Variants in FGF12 observed in about 807,000 individuals in gnomAD.
FGF12 encodes fibroblast growth factor 12.
FGF12 carries 14 observed loss-of-function variants against 23.6 expected under a neutral mutation model. The observed-to-expected ratio is 0.59, with a 90% CI of 0.39 to 0.93. The LOEUF (loss-of-function observed/expected upper bound fraction) is 0.93. Ranked by LOEUF, FGF12 falls within the 40% of genes least tolerant of loss-of-function variation. The pLI is 0.00. For missense variants in FGF12, 175 were observed against 217.8 expected (o/e 0.80, Z 1.24); for synonymous variants, 62 against 77.3 (o/e 0.80, Z 1.04).
chr3:192,450,382 A>G (rs1722484678), intron 2 of FGF12, among the ~76,000 whole-genome samples: 1 of 152,214 alleles, frequency 6.6e-6, no homozygotes, highest in Non-Finnish European at 1.5e-5. Flanking sequence ...AAAAGTGGAG[A>G]CTGACAATAT....
At chr3:192,203,647 C>T (rs1042620611) in intron 4 of FGF12, among the ~76,000 whole-genome samples, 1 of 150,252 alleles carries the variant, frequency 6.7e-6, no homozygotes, top group Non-Finnish European at 1.5e-5. Flanking sequence ...TGGCTCACTG[C>T]AGCCTTGACT....
intron 4 of FGF12, among the ~76,000 whole-genome samples, chr3:192,251,300 A>G (rs532398698): frequency 2.6e-5 from 4 of 152,298 alleles, no homozygotes; most frequent in African/African-American, 9.6e-5. Context: ...TGATTCTGAT[A>G]GAGAGTAAGT....
At chr3:192,604,105 T>A (rs1714236681) in intron 2 of FGF12, among the ~76,000 whole-genome samples, 1 of 152,162 alleles carries the variant, frequency 6.6e-6, no homozygotes, top group Admixed American at 6.6e-5. Flanking sequence ...TCATTTATAG[T>A]CTCTCTGCAA....
At chr3:192,166,097 A>G (rs1715147289) in intron 5 of FGF12, among the ~76,000 whole-genome samples, 1 of 152,208 alleles carries the variant, frequency 6.6e-6, no homozygotes, top group Non-Finnish European at 1.5e-5. Flanking sequence ...GCGAGGAGAA[A>G]GGTTTCAATG....
At position 192,372,147 on chromosome 3, in the gene FGF12, T is replaced by C. The variant is rs564355934; in HGVS notation, c.14-11609A>G. Reference sequence around the variant, plus strand: ...GAGTCTCTTTTCTCACAGACACATCTTTTGGCACCAGAAATAAATGAACAG... The same window carrying C: ...GAGTCTCTTTTCTCACAGACACATCCTTTGGCACCAGAAATAAATGAACAG... On this transcript the variant is annotated intron_variant, in intron 2 of 5. Transcript: ENST00000445105. Among the ~76,000 whole-genome samples, 4 of 152,272 alleles carry C rather than the reference T, an allele frequency of 2.6e-5. No individual in the cohort carries two copies. In the South Asian group the frequency reaches 8.3e-4, roughly 32 times the overall value.
chr3:192,438,849 G>A (rs984396894), intron 2 of FGF12, among the ~76,000 whole-genome samples: 10 of 152,112 alleles, frequency 6.6e-5, no homozygotes, highest in Admixed American at 6.5e-5. Context: ...AAAGCCCCCC[G>A]GTTTCAAAAG....
At chr3:192,608,181 T>C (rs893247194) in intron 2 of FGF12, among the ~76,000 whole-genome samples, 2 of 152,084 alleles carry the variant, frequency 1.3e-5, no homozygotes, top group African/African-American at 4.8e-5. Flanking sequence ...GTGATGACAG[T>C]TAATGGGTAC....
chr3:192,461,732 T>G (rs1306612455), intron 2 of FGF12, among the ~76,000 whole-genome samples: 2 of 152,140 alleles, frequency 1.3e-5, no homozygotes, highest in Non-Finnish European at 2.9e-5. Flanking sequence ...CTCATACCTG[T>G]AATCCCAGCA....
At chr3:192,276,103 G>T (rs1055574436) in intron 4 of FGF12, among the ~76,000 whole-genome samples, 2 of 152,182 alleles carry the variant, frequency 1.3e-5, no homozygotes, top group Admixed American at 1.3e-4. Context: ...TCAAACCTTG[G>T]AGTTAAAGAG....
intron 2 of FGF12, among the ~76,000 whole-genome samples, chr3:192,666,120 A>G (rs1352093555): frequency 6.6e-6 from 1 of 152,220 alleles, no homozygotes; most frequent in East Asian, 1.9e-4. Context: ...ATTTGATAAC[A>G]ATAGCTCTCA....
Position 192,499,516 on chromosome 3 carries a change from A to AT in FGF12, c.14-138979dup, listed in dbSNP as rs71177364. Among the ~76,000 whole-genome samples, 39 of 38,880 alleles carry AT rather than the reference A, an allele frequency of 1.0e-3. 6 individuals carry two copies. Among genetic ancestry groups the AT allele is most frequent in the South Asian group, 1.6e-3 (1 of 608 alleles). 25.5% of individuals were successfully genotyped at this position (38,880 alleles called of 152,430 possible). The stretch of plus-strand genomic sequence containing the variant: ...TCCATATATATATATATATATATAT[A>AT]TTTTTTTTTTTTTTTTTTTTTTTTT... On this transcript the variant is annotated intron_variant, in intron 2 of 5. Transcript: ENST00000445105.
intron 2 of FGF12, among the ~76,000 whole-genome samples, chr3:192,593,979 G>A (rs539837391): frequency 6.6e-6 from 1 of 152,098 alleles, no homozygotes; most frequent in South Asian, 2.1e-4. Flanking sequence ...GTCTTGCCTT[G>A]AATTGCTTAA....
intron 2 of FGF12, among the ~76,000 whole-genome samples, chr3:192,553,161 G>A (rs572763143): frequency 6.6e-6 from 1 of 152,162 alleles, no homozygotes; most frequent in South Asian, 2.1e-4. Context: ...GCACAGATAT[G>A]CAAGAAGGAA....
At chr3:192,375,605 G>A (rs9810828) in intron 2 of FGF12, among the ~76,000 whole-genome samples, 3,413 of 151,464 alleles carry the variant, frequency 0.023, 54 homozygotes, top group African/African-American at 0.042. Flanking sequence ...GATTTTTTTC[G>A]TTTATTATGA....
intron 2 of FGF12, among the ~76,000 whole-genome samples, chr3:192,583,140 G>A (rs1713230586): frequency 6.6e-6 from 1 of 152,082 alleles, no homozygotes; most frequent in African/African-American, 2.4e-5. Context: ...ATTGCTAAAT[G>A]ATATCCAGTT....
At chr3:192,422,563 T>C (rs1721566325) in intron 2 of FGF12, among the ~76,000 whole-genome samples, 1 of 152,166 alleles carries the variant, frequency 6.6e-6, no homozygotes, top group South Asian at 2.1e-4. Flanking sequence ...AAAGCCCTTC[T>C]CTATAACTCT....
intron 2 of FGF12, among the ~76,000 whole-genome samples, chr3:192,433,592 A>C (rs911820995): frequency 6.6e-6 from 1 of 152,234 alleles, no homozygotes; most frequent in African/African-American, 2.4e-5. Flanking sequence ...AAAACAGATG[A>C]TCAGTCTCAC....
chr3:192,246,134 A>G (rs1711553270), intron 4 of FGF12, among the ~76,000 whole-genome samples: 2 of 152,200 alleles, frequency 1.3e-5, no homozygotes, highest in South Asian at 4.1e-4. Flanking sequence ...CTTCCTCCAA[A>G]AGCATGTTCC....
chr3:192,654,588 C>G (rs1044039450), intron 2 of FGF12, among the ~76,000 whole-genome samples: 1 of 152,088 alleles, frequency 6.6e-6, no homozygotes, highest in Non-Finnish European at 1.5e-5. Flanking sequence ...AAATGATAGC[C>G]GAGTTAAGGA....
Sources: gnomAD v4.1 joint callset for allele counts (sites outside exome capture counted in the v4.1 genomes callset) on GRCh38, gnomAD v4.1.1 for gene constraint, MANE v1.5 for transcripts, NCBI Gene and HGNC (gene_info 2026-07-23, HGNC 2026-07-21) for gene names.